PCDHGA3: variants seen among roughly 807,000 people sequenced by gnomAD.
PCDHGA3 encodes protocadherin gamma-A3.
In PCDHGA3, 40 loss-of-function variants were observed where a neutral mutation model predicts 58.5. The observed-to-expected ratio is 0.68, with a 90% confidence interval of 0.53 to 0.89. The LOEUF (loss-of-function observed/expected upper bound fraction) is 0.89, where lower values mean the gene tolerates loss of function less well. Ranked by LOEUF, PCDHGA3 falls within the 40% of genes least tolerant of loss-of-function variation. The pLI, the probability that PCDHGA3 is intolerant of heterozygous loss-of-function variation, is 0.00. For synonymous variants in PCDHGA3, 530 were observed against 525.7 expected (o/e 1.01, Z -0.11); for missense variants, 1,223 against 1,195.9 (o/e 1.02, Z -0.33).
chr5:141,464,200 G>C (rs1331779739), intron 1 of PCDHGA3, among the ~76,000 whole-genome samples: 1 of 149,856 alleles, frequency 6.7e-6, no homozygotes, highest in Non-Finnish European at 1.5e-5. Flanking sequence ...AGGAGGCGGA[G>C]ATTGCAGTGA....
At chr5:141,436,486 C>A (rs2097826645) in intron 1 of PCDHGA3, among the ~76,000 whole-genome samples, 1 of 152,152 alleles carries the variant, frequency 6.6e-6, no homozygotes. Flanking sequence ...AGAAGGATAG[C>A]AGCTTTGCAA....
intron 1 of PCDHGA3, chr5:141,377,040 T>G (rs1229321442): frequency 1.9e-5 from 3 of 154,184 alleles, no homozygotes; most frequent in African/African-American, 7.2e-5. Flanking sequence ...CTTTGATTAG[T>G]GCTTAGTTTT....
chr5:141,355,388 G>A (rs775462698), intron 1 of PCDHGA3: 41 of 1,613,938 alleles, frequency 2.5e-5, no homozygotes, highest in South Asian at 5.5e-5. Context: ...GCGGAGCGCG[G>A]AGTCCGCATC....
chr5:141,478,576 G>C (rs543160289), intron 1 of PCDHGA3: 3 of 1,585,598 alleles, frequency 1.9e-6, no homozygotes, highest in Middle Eastern at 3.3e-4. Flanking sequence ...GCTTGACCCT[G>C]TTAGTGCTTT....
intron 1 of PCDHGA3, among the ~76,000 whole-genome samples, chr5:141,460,963 G>A (rs760674165): frequency 3.0e-4 from 27 of 89,804 alleles, no homozygotes; most frequent in Admixed American, 4.3e-4. Context: ...ATATATATAT[G>A]TGTGTGTGTG....
At chr5:141,425,353 T>C (rs868017955) in intron 1 of PCDHGA3, among the ~76,000 whole-genome samples, 2 of 152,296 alleles carry the variant, frequency 1.3e-5, no homozygotes, top group Middle Eastern at 3.4e-3. Context: ...CTTTGAAATG[T>C]GATATTAAGA....
chr5:141,408,211 G>A (rs1285774248), intron 1 of PCDHGA3: 1 of 1,554,426 alleles, frequency 6.4e-7, no homozygotes, highest in South Asian at 1.2e-5. Flanking sequence ...CGATGGGAGG[G>A]AGCTGCGCGC....
intron 1 of PCDHGA3, among the ~76,000 whole-genome samples, chr5:141,373,204 A>G (rs1769394897): frequency 6.6e-6 from 1 of 152,216 alleles, no homozygotes; most frequent in South Asian, 2.1e-4. Context: ...ATATCTTAAC[A>G]CATTTTTAAT....
At chr5:141,413,352 G>T in intron 1 of PCDHGA3, 11 of 1,613,976 alleles carry the variant, frequency 6.8e-6, no homozygotes, top group Non-Finnish European at 9.3e-6. Flanking sequence ...TGGGTCTGGC[G>T]CCCCGGGAGC....
chr5:141,350,911 G>A (rs768032628), intron 1 of PCDHGA3: 20 of 1,613,942 alleles, frequency 1.2e-5, no homozygotes, highest in Non-Finnish European at 1.6e-5. Context: ...GCGGGGACCC[G>A]CCTCTAAGCG....
chr5:141,505,597 T>C, intron 3 of PCDHGA3, 116 bp downstream of exon 3: 1 of 1,558,330 alleles, frequency 6.4e-7, no homozygotes, highest in Non-Finnish European at 8.7e-7. Context: ...TCCAGATCTT[T>C]CGGCAGGTCT....
intron 1 of PCDHGA3, chr5:141,364,833 G>A (rs1165362537): frequency 3.1e-6 from 5 of 1,613,882 alleles, no homozygotes; most frequent in African/African-American, 2.7e-5. Flanking sequence ...AACTCTCTCC[G>A]GAGTTACCAG....
intron 1 of PCDHGA3, among the ~76,000 whole-genome samples, chr5:141,466,534 T>C (rs1343781541): frequency 6.6e-6 from 1 of 152,214 alleles, no homozygotes; most frequent in Non-Finnish European, 1.5e-5. Flanking sequence ...CAAATTGATG[T>C]AGATGGTCTT....
chr5:141,465,865 G>A (rs374058078), intron 1 of PCDHGA3, among the ~76,000 whole-genome samples: 7 of 151,900 alleles, frequency 4.6e-5, no homozygotes, highest in African/African-American at 1.7e-4. Flanking sequence ...GCTCATGCCT[G>A]TAATCCCAGC....
At chr5:141,355,604 CAG>C in intron 1 of PCDHGA3, 1 of 1,613,936 alleles carries the variant, frequency 6.2e-7, no homozygotes, top group Non-Finnish European at 8.5e-7. Flanking sequence ...AGTTTTGGGA[CAG>C]AACAGAGGGA....
At chr5:141,435,362 C>A (rs2097758711) in intron 1 of PCDHGA3, among the ~76,000 whole-genome samples, 1 of 152,120 alleles carries the variant, frequency 6.6e-6, no homozygotes, top group Admixed American at 6.6e-5. Flanking sequence ...AAAATTTTAT[C>A]ACTTAAATAT....
chr5:141,496,916 T>C (rs1252437822), intron 2 of PCDHGA3, among the ~76,000 whole-genome samples: 4 of 148,274 alleles, frequency 2.7e-5, no homozygotes, highest in African/African-American at 9.9e-5. Context: ...CTGGGCACTG[T>C]GGTTCACGCC....
intron 1 of PCDHGA3, among the ~76,000 whole-genome samples, chr5:141,484,072 G>A (rs2099591675): frequency 6.6e-6 from 1 of 152,258 alleles, no homozygotes; most frequent in Admixed American, 6.5e-5. Flanking sequence ...TGAAAAGCTT[G>A]CTCTTTTGAA....
intron 1 of PCDHGA3, chr5:141,423,241 G>C: frequency 6.2e-7 from 1 of 1,613,954 alleles, no homozygotes; most frequent in Non-Finnish European, 8.5e-7. Context: ...CATCCCCGAA[G>C]TCCTGGCGGA....
Sources: gnomAD v4.1 joint callset for allele counts (sites outside exome capture counted in the v4.1 genomes callset) on GRCh38, gnomAD v4.1.1 for gene constraint, MANE v1.5 for transcripts, NCBI Gene and HGNC (gene_info 2026-07-23, HGNC 2026-07-21) for gene names.